The following AVIL variants were observed in gnomAD, a reference collection of about 807,000 sequenced individuals.
AVIL encodes the protein advillin.
AVIL carries 78 observed loss-of-function variants against 109.9 expected under a neutral mutation model. The observed-to-expected ratio is 0.71, with a 90% CI of 0.59 to 0.86. AVIL has a LOEUF of 0.86. AVIL is among the 40% of genes least tolerant of loss of function. The pLI is 0.00. For missense variants in AVIL, 892 were observed against 1,016.5 expected (o/e 0.88, Z 1.67); for synonymous variants, 367 against 379.1 (o/e 0.97, Z 0.37).
chr12:57,798,607 A>ATTCTT (rs1039315411), intron 19 of AVIL, among the ~76,000 whole-genome samples: 1 of 151,074 alleles, frequency 6.6e-6, no homozygotes, highest in South Asian at 2.1e-4. Flanking sequence ...AAAGAAATTT[A>ATTCTT]TTCTTTTCTT....
intron 8 of AVIL, 55 bp from the exon 9 acceptor site, chr12:57,809,750 C>T (rs140553061): frequency 1.2e-6 from 2 of 1,613,404 alleles, no homozygotes; most frequent in Non-Finnish European, 1.7e-6. Flanking sequence ...AGATTTTGCA[C>T]AGGGTCTGCT....
In AVIL at chr12:57,807,399, G is replaced by A. The variant is rs754291220; in HGVS notation, c.1423C>T (p.Arg475Ter). Residue 475 changes from arginine (R) to a stop codon, truncating the protein, a stop_gained, in exon 13 of 20, where the codon CGA becomes TGA. Coordinates refer to ENST00000549994, the MANE Select transcript of AVIL (RefSeq NM_006576.4). LOFTEE classifies it high-confidence loss of function. ...CGTGGCTCCGTTCCCATCCTGACTCGAACCTGCACAGCAGCCCCATCAAAC... is the reference window on the plus strand; with the variant it reads ...CGTGGCTCCGTTCCCATCCTGACTCAAACCTGCACAGCAGCCCCATCAAAC... Reference protein sequence around the residue: ...RQFDGAAVQVRVRMGTEPRHF... With the variant: ...RQFDGAAVQV 6 of 1,614,180 alleles carry A rather than the reference G, an allele frequency of 3.7e-6. No homozygotes were observed. Among genetic ancestry groups the A allele is most frequent in the East Asian group, 2.2e-5 (1 of 44,880 alleles).
At chr12:57,800,138 G>A in intron 18 of AVIL, 1 of 560,368 alleles carries the variant, frequency 1.8e-6, no homozygotes, top group Non-Finnish European at 3.1e-6. Context: ...AGCTGATTCA[G>A]TAAGTCCAAG....
intron 14 of AVIL, 46 bp from the exon 15 acceptor site, chr12:57,803,715 A>G (rs2140442924): frequency 6.3e-7 from 1 of 1,594,620 alleles, no homozygotes; most frequent in Middle Eastern, 2.1e-4. Flanking sequence ...GCACAGGGGC[A>G]CTTCGATGTG....
chr12:57,816,563 T>A (rs1327220160), intron 1 of AVIL: 1 of 152,274 alleles, frequency 6.6e-6, no homozygotes, highest in Non-Finnish European at 1.5e-5. Flanking sequence ...TTCAGTGGCA[T>A]TTGGAAAGAA....
At chr12:57,813,095 A>G in intron 4 of AVIL, 132 bp downstream of exon 4, 1 of 1,127,582 alleles carries the variant, frequency 8.9e-7, no homozygotes, top group African/African-American at 1.6e-5. Flanking sequence ...CTGCTGCTCT[A>G]GTGGGTGGAA....
In AVIL at chr12:57,809,594, T is replaced by C; in HGVS notation, c.939+3A>G. The stretch of plus-strand genomic sequence containing the variant: ...AACAGTATTGCACATCTGTAGCTCC[T>C]ACCAGCGCTTTAGACATGGCTGCCT... On this transcript the variant is annotated splice_donor_region_variant and intron_variant, in intron 9 of 19. Transcript: ENST00000549994. The C allele has an allele frequency of 6.2e-7, 1 of 1,614,214 alleles. No homozygotes were observed. Among genetic ancestry groups the C allele is most frequent in the South Asian group, 1.1e-5 (1 of 91,086 alleles).
At chr12:57,815,951 T>TA in intron 2 of AVIL, 24 bp downstream of exon 2, 1 of 1,613,772 alleles carries the variant, frequency 6.2e-7, no homozygotes, top group Non-Finnish European at 8.5e-7. Context: ...TGGTCACAAG[T>TA]AAGGTGCCTC....
chr12:57,803,615 C>T lies in AVIL; in HGVS notation c.1726G>A (p.Asp576Asn). Residue 576 changes from aspartate to asparagine, a missense_variant, in exon 15 of 20, where the codon GAT (aspartate) becomes AAT (asparagine). Physicochemically the swap from Asp to Asn is conservative, Grantham distance 23 (BLOSUM62 1). Transcript: ENST00000549994. ...TCGGCCACAGTGTTCTCGCTGCCAT[C>T]ACAGAGAAGGCTGGCCAGCTCCTTA... is the stretch of plus-strand genomic sequence containing the variant. Reference protein sequence around the residue: ...MAKELASLLCDGSENTVAEGQ... With the variant: ...MAKELASLLCNGSENTVAEGQ... 6.2e-7 allele frequency: 1 copy of T among 1,614,192 alleles called. No homozygotes were observed. The highest frequency in any genetic ancestry group is 8.5e-7 in the Non-Finnish European group (1 of 1,180,036).
chr12:57,799,602 G>A (rs1955805048), intron 19 of AVIL, among the ~76,000 whole-genome samples, 193 bp downstream of exon 19: 1 of 152,178 alleles, frequency 6.6e-6, no homozygotes, highest in African/African-American at 2.4e-5. Flanking sequence ...GAAGCTAGCT[G>A]ATAGACTGAT....
At chr12:57,811,922 C>T (rs1956043175) in intron 4 of AVIL, among the ~76,000 whole-genome samples, 1 of 152,222 alleles carries the variant, frequency 6.6e-6, no homozygotes, top group Non-Finnish European at 1.5e-5. Context: ...TGTCCTACTC[C>T]CATTCCTCTC....
intron 4 of AVIL, among the ~76,000 whole-genome samples, chr12:57,812,552 G>A (rs553129500): frequency 1.6e-3 from 249 of 151,874 alleles, no homozygotes; most frequent in Non-Finnish European, 2.6e-3. Context: ...AGTAGAGACG[G>A]GGTTTCACCA....
Position 57,799,825 on chromosome 12 carries a change from C to T in AVIL, c.2316G>A (p.Leu772=). The T allele has an allele frequency of 6.2e-7, 1 of 1,614,116 alleles. No homozygotes were observed. The highest frequency in any genetic ancestry group is 8.5e-7 in the Non-Finnish European group (1 of 1,180,026). ...AVLLKNQNQE[L]PEDVNPAKKE... ...TTTTGGCAGGGTTTACATCCTCAGGCAGCTCCTGATTCTGGTTTTTCAACA... is the reference window on the plus strand; with the variant it reads ...TTTTGGCAGGGTTTACATCCTCAGGTAGCTCCTGATTCTGGTTTTTCAACA... The change falls in exon 19 of 20, where the codon CTG becomes CTA. Residue 772 remains leucine, a synonymous_variant. Transcript: ENST00000549994.
chr12:57,814,065 A>C (rs1956071358), intron 3 of AVIL, 87 bp downstream of exon 3: 1 of 1,401,770 alleles, frequency 7.1e-7, no homozygotes, highest in African/African-American at 1.4e-5. Context: ...GGGACTGACT[A>C]CCTTCCCTCA....
At chr12:57,814,028 A>G in intron 3 of AVIL, 124 bp downstream of exon 3, 1 of 1,005,948 alleles carries the variant, frequency 9.9e-7, no homozygotes, top group Non-Finnish European at 1.5e-6. Flanking sequence ...TCTGCATAGC[A>G]CTGAGGAACC....
chr12:57,808,089 A>G (rs1268506464), intron 11 of AVIL, 105 bp downstream of exon 11: 1 of 1,332,320 alleles, frequency 7.5e-7, no homozygotes, highest in African/African-American at 1.5e-5. Flanking sequence ...GCCGGAGGGG[A>G]AAGGGAAAGC....
intron 17 of AVIL, 47 bp from the exon 18 acceptor site, chr12:57,801,259 G>A (rs112850059): frequency 1.1e-5 from 16 of 1,510,132 alleles, no homozygotes; most frequent in Non-Finnish European, 1.4e-5. Flanking sequence ...TTCTTATAGG[G>A]GAGGGACATC....
chr12:57,810,044 G>A (rs1237048672), intron 7 of AVIL, among the ~76,000 whole-genome samples, 154 bp from the exon 8 acceptor site: 1 of 152,186 alleles, frequency 6.6e-6, no homozygotes, highest in Non-Finnish European at 1.5e-5. Context: ...GGAATGTGCA[G>A]ACTCTTTTCT....
chr12:57,810,679 C>A, intron 6 of AVIL, 128 bp from the exon 7 acceptor site: 3 of 1,356,564 alleles, frequency 2.2e-6, no homozygotes, highest in Non-Finnish European at 3.1e-6. Flanking sequence ...GGGTGAGTCA[C>A]AAACTCACAC....
Sources: gnomAD v4.1 joint callset for allele counts (sites outside exome capture counted in the v4.1 genomes callset) on GRCh38, gnomAD v4.1.1 for gene constraint, MANE v1.5 for transcripts, NCBI Gene and HGNC (gene_info 2026-07-23, HGNC 2026-07-21) for gene names.